The following ABTB3 variants were observed in gnomAD, a reference collection of about 807,000 sequenced individuals.
ABTB3 encodes the protein ankyrin repeat- and BTB/POZ domain-containing protein 3.
the ABTB3 span, among the ~76,000 whole-genome samples, chr12:107,443,294 C>T: frequency 5.9e-5 from 9 of 151,798 alleles, 1 homozygote; most frequent in African/African-American, 2.2e-4. Flanking sequence ...GGGGCCAGGA[C>T]CAGTTGCTCA....
chr12:107,565,152 A>G, the ABTB3 span, among the ~76,000 whole-genome samples: 5 of 152,218 alleles, frequency 3.3e-5, no homozygotes, highest in Non-Finnish European at 5.9e-5. Context: ...CTGATGGGAA[A>G]GCCTTCAGAA....
chr12:107,637,839 G>C, the ABTB3 span, among the ~76,000 whole-genome samples: 1 of 147,636 alleles, frequency 6.8e-6, no homozygotes, highest in African/African-American at 2.5e-5. Context: ...TGTGTGGTAT[G>C]GTGTCCTGTT....
At chr12:107,392,322 C>G in the ABTB3 span, among the ~76,000 whole-genome samples, 1 of 152,172 alleles carries the variant, frequency 6.6e-6, no homozygotes, top group Non-Finnish European at 1.5e-5. Flanking sequence ...CTCCTTCCTT[C>G]GCAGGGACCC....
At chr12:107,350,559 A>G in the ABTB3 span, among the ~76,000 whole-genome samples, 1 of 151,884 alleles carries the variant, frequency 6.6e-6, no homozygotes, top group East Asian at 1.9e-4. Context: ...AAAAAAAAAA[A>G]ATTATTATTC....
At chr12:107,324,939 G>A in the ABTB3 span, among the ~76,000 whole-genome samples, 3 of 152,298 alleles carry the variant, frequency 2.0e-5, no homozygotes, top group Admixed American at 1.3e-4. Flanking sequence ...CATCTGTACA[G>A]TGAGGATTAC....
At chr12:107,509,886 A>G in the ABTB3 span, among the ~76,000 whole-genome samples, 1 of 152,220 alleles carries the variant, frequency 6.6e-6, no homozygotes, top group East Asian at 1.9e-4. Flanking sequence ...TGTCTGTGTT[A>G]TTGAATTCCT....
At chr12:107,460,655 TGAA>T in the ABTB3 span, among the ~76,000 whole-genome samples, 1 of 151,870 alleles carries the variant, frequency 6.6e-6, no homozygotes, top group Non-Finnish European at 1.5e-5. Context: ...TGAGACTCTC[TGAA>T]GAAAAAAAAA....
chr12:107,441,772 T>TATAAAAAAAAAAAAAAAAAAAAAAAAAA, the ABTB3 span, among the ~76,000 whole-genome samples: 1 of 74,308 alleles, frequency 1.3e-5, no homozygotes, highest in African/African-American at 8.9e-5. Flanking sequence ...AACTTGTCTC[T>TATAAAAAAAAAAAAAAAAAAAAAAAAAA]ACAAAAAAAA....
the ABTB3 span, chr12:107,651,912 C>A: frequency 1.4e-6 from 1 of 737,726 alleles, no homozygotes; most frequent in Non-Finnish European, 2.3e-6. Context: ...GGCTAAGCCG[C>A]TGGCCTCTGC....
the ABTB3 span, among the ~76,000 whole-genome samples, chr12:107,538,024 G>A: frequency 6.6e-6 from 1 of 152,082 alleles, no homozygotes; most frequent in Non-Finnish European, 1.5e-5. Context: ...CAAAGCTACT[G>A]CCATCAACCC....
At chr12:107,467,013 T>G in the ABTB3 span, among the ~76,000 whole-genome samples, 1 of 152,128 alleles carries the variant, frequency 6.6e-6, no homozygotes, top group African/African-American at 2.4e-5. Context: ...AATGTGATTG[T>G]CTATTGTAGT....
chr12:107,630,661 C>T, the ABTB3 span, among the ~76,000 whole-genome samples: 1 of 151,908 alleles, frequency 6.6e-6, no homozygotes, highest in East Asian at 1.9e-4. Flanking sequence ...AGGCGGGCCC[C>T]GAGCTCCTGG....
the ABTB3 span, among the ~76,000 whole-genome samples, chr12:107,382,168 A>T: frequency 6.6e-6 from 1 of 152,216 alleles, no homozygotes; most frequent in Non-Finnish European, 1.5e-5. Context: ...GGACTCCCTC[A>T]GGTTGGGCAT....
the ABTB3 span, among the ~76,000 whole-genome samples, chr12:107,493,804 C>T: frequency 1.6e-4 from 25 of 152,272 alleles, no homozygotes; most frequent in East Asian, 4.6e-3. Flanking sequence ...GAGGAGGATG[C>T]TTCTACAATA....
the ABTB3 span, among the ~76,000 whole-genome samples, chr12:107,476,812 A>AGTGTGT: frequency 4.0e-3 from 597 of 148,614 alleles, 9 homozygotes; most frequent in African/African-American, 0.014. Context: ...GAATGCATGA[A>AGTGTGT]GTGTGTGTGT....
the ABTB3 span, among the ~76,000 whole-genome samples, chr12:107,534,541 C>A: frequency 2.0e-5 from 3 of 152,064 alleles, no homozygotes; most frequent in South Asian, 6.3e-4. Flanking sequence ...AATTGACAAA[C>A]CTTTAGCTAG....
the ABTB3 span, among the ~76,000 whole-genome samples, chr12:107,621,265 A>G: frequency 6.6e-6 from 1 of 152,094 alleles, no homozygotes; most frequent in Non-Finnish European, 1.5e-5. Context: ...AGGACCCCAA[A>G]TGGGAGCAGG....
At chr12:107,404,162 CAAAAAAAAAA>C in the ABTB3 span, among the ~76,000 whole-genome samples, 4 of 40,250 alleles carry the variant, frequency 9.9e-5, no homozygotes, top group South Asian at 5.4e-3. Flanking sequence ...GACTCTAACT[CAAAAAAAAAA>C]AAAAAAAAAA....
At chr12:107,388,359 TC>T in the ABTB3 span, among the ~76,000 whole-genome samples, 8 of 151,680 alleles carry the variant, frequency 5.3e-5, no homozygotes, top group Admixed American at 5.3e-4. Flanking sequence ...CTCCTCCTCT[TC>T]CTAATTCTGC....
Sources: gnomAD v4.1 joint callset for allele counts (sites outside exome capture counted in the v4.1 genomes callset) on GRCh38, gnomAD v4.1.1 for gene constraint, MANE v1.5 for transcripts, NCBI Gene and HGNC (gene_info 2026-07-23, HGNC 2026-07-21) for gene names.